DNM3: variants seen among roughly 807,000 people sequenced by gnomAD.
DNM3 encodes the protein dynamin-3.
In DNM3, 47 loss-of-function variants were observed where a neutral mutation model predicts 101.6. The ratio of observed to expected loss-of-function variants is 0.46; its 90% confidence interval spans 0.37 to 0.59. The LOEUF (loss-of-function observed/expected upper bound fraction) is 0.59, where lower values mean the gene tolerates loss of function less well. Ranked by LOEUF, DNM3 falls within the 20% of genes least tolerant of loss-of-function variation. The pLI is 0.00. For missense variants in DNM3, 849 were observed against 1,085.7 expected (o/e 0.78, Z 3.06); for synonymous variants, 385 against 387.9 (o/e 0.99, Z 0.09).
chr1:172,273,707 T>A (rs551372189), intron 15 of DNM3, among the ~76,000 whole-genome samples: 31 of 152,166 alleles, frequency 2.0e-4, no homozygotes, highest in African/African-American at 7.5e-4. Context: ...CATCATCACA[T>A]CATGTCCCTT....
At chr1:172,215,101 C>T (rs960837421) in intron 14 of DNM3, among the ~76,000 whole-genome samples, 2 of 152,068 alleles carry the variant, frequency 1.3e-5, no homozygotes, top group South Asian at 2.1e-4. Flanking sequence ...GACGAGTGTT[C>T]GGATATTTCA....
chr1:172,392,442 C>T (rs1360681668), intron 20 of DNM3, among the ~76,000 whole-genome samples: 1 of 152,076 alleles, frequency 6.6e-6, no homozygotes, highest in African/African-American at 2.4e-5. Flanking sequence ...ATTTACTTAA[C>T]AAGATGATCT....
intron 16 of DNM3, among the ~76,000 whole-genome samples, chr1:172,317,275 A>G (rs1557984972): frequency 6.6e-6 from 1 of 151,866 alleles, no homozygotes; most frequent in African/African-American, 2.4e-5. Context: ...AAATGCCCAT[A>G]AGAGAAAGCA....
At chr1:172,406,503 T>C (rs184431857) in intron 20 of DNM3, among the ~76,000 whole-genome samples, 1 of 152,154 alleles carries the variant, frequency 6.6e-6, no homozygotes, top group East Asian at 1.9e-4. Flanking sequence ...AAGATTTCCT[T>C]TGAAGCCTCT....
At position 172,392,802 on chromosome 1, in the gene DNM3, T is replaced by TAA. The variant is rs2069638284; in HGVS notation, c.2522+3993_2522+3994insAA. Among the ~76,000 whole-genome samples the TAA allele has an allele frequency of 2.6e-5, 4 of 152,192 alleles. 1 individual carries two copies. Among genetic ancestry groups the TAA allele is most frequent in the African/African-American group, 9.7e-5 (4 of 41,450 alleles). On this transcript the variant is annotated intron_variant, in intron 20 of 20. Transcript: ENST00000627582. ...CCTCATCACTCAATATTCAAGTACT[T>TAA]TTTTTGACCACCCTTGTTCACCAAG...
chr1:172,209,154 G>A (rs1291880840), intron 14 of DNM3, among the ~76,000 whole-genome samples: 1 of 151,924 alleles, frequency 6.6e-6, no homozygotes, highest in Non-Finnish European at 1.5e-5. Context: ...CAGTTTGACT[G>A]ATATCCTTAT....
intron 10 of DNM3, among the ~76,000 whole-genome samples, chr1:172,062,792 G>T (rs1471433569): frequency 3.3e-5 from 5 of 152,104 alleles, no homozygotes; most frequent in African/African-American, 1.2e-4. Context: ...CTTTATATTA[G>T]AATTGCTTCT....
chr1:172,171,455 C>T (rs1479813582), intron 14 of DNM3, among the ~76,000 whole-genome samples: 1 of 151,654 alleles, frequency 6.6e-6, no homozygotes, highest in East Asian at 1.9e-4. Context: ...AGAATGAGTT[C>T]CTCTGAGTAA....
At chr1:172,239,041 A>G (rs2061646219) in intron 14 of DNM3, among the ~76,000 whole-genome samples, 2 of 152,166 alleles carry the variant, frequency 1.3e-5, no homozygotes, top group African/African-American at 4.8e-5. Flanking sequence ...AAGGGGAAGA[A>G]ATAAGTACCC....
In DNM3 at chr1:171,878,960, G is replaced by A. The variant is rs574673417; in HGVS notation, c.161+37143G>A. ...AATTATTACATTATTCCAACCTGTA[G>A]AAATTTCCTAAAATCCCCACATGGA... is the stretch of plus-strand genomic sequence containing the variant. On this transcript the variant is annotated intron_variant, in intron 1 of 20. Coordinates refer to ENST00000627582, the MANE Select transcript of DNM3 (RefSeq NM_015569.5). Among the ~76,000 whole-genome samples the A allele has an allele frequency of 1.3e-4, 20 of 152,226 alleles. 1 individual carries two copies. The South Asian group carries it at 4.1e-3, about 32-fold the overall frequency.
chr1:172,341,446 G>A (rs1267315407), intron 17 of DNM3, among the ~76,000 whole-genome samples: 3 of 152,092 alleles, frequency 2.0e-5, no homozygotes, highest in Non-Finnish European at 4.4e-5. Context: ...TAAGCAAAAA[G>A]AATAAAGCTG....
chr1:172,304,219 A>AAAAAAAAAAAC (rs1292090131), intron 15 of DNM3, among the ~76,000 whole-genome samples: 1 of 139,776 alleles, frequency 7.2e-6, no homozygotes, highest in Non-Finnish European at 1.5e-5. Context: ...AAAAAAAAAA[A>AAAAAAAAAAAC]AAACAGGAGT....
chr1:172,161,109 A>G (rs995183436), intron 14 of DNM3, among the ~76,000 whole-genome samples: 6 of 151,726 alleles, frequency 4.0e-5, no homozygotes, highest in African/African-American at 1.5e-4. Flanking sequence ...AGTGATTTTC[A>G]TGACAGACTT....
At chr1:172,163,463 C>T (rs2058624414) in intron 14 of DNM3, among the ~76,000 whole-genome samples, 1 of 151,954 alleles carries the variant, frequency 6.6e-6, no homozygotes, top group South Asian at 2.1e-4. Context: ...TGGTCTCAAT[C>T]TCTTGACCTC....
intron 1 of DNM3, among the ~76,000 whole-genome samples, chr1:171,894,359 G>A (rs1004716225): frequency 6.6e-6 from 1 of 152,052 alleles, no homozygotes; most frequent in African/African-American, 2.4e-5. Context: ...GGAAAGCTCT[G>A]GTCTTTCCTC....
At chr1:171,918,804 C>T (rs920123910) in intron 1 of DNM3, among the ~76,000 whole-genome samples, 2 of 152,106 alleles carry the variant, frequency 1.3e-5, no homozygotes, top group African/African-American at 4.8e-5. Context: ...TATTTTTAGT[C>T]AACACATAAT....
intron 14 of DNM3, among the ~76,000 whole-genome samples, chr1:172,164,600 C>G (rs911181970): frequency 6.6e-6 from 1 of 151,912 alleles, no homozygotes; most frequent in South Asian, 2.1e-4. Flanking sequence ...AATGTTCATA[C>G]CCAAGTTTTT....
chr1:171,951,988 A>C (rs1175886600), intron 2 of DNM3, among the ~76,000 whole-genome samples: 2 of 152,228 alleles, frequency 1.3e-5, no homozygotes, highest in Non-Finnish European at 2.9e-5. Flanking sequence ...AGGTAGATTC[A>C]AAGATTTTGT....
At chr1:172,032,943 A>G (rs1345474818) in intron 5 of DNM3, among the ~76,000 whole-genome samples, 162 bp from the exon 6 acceptor site, 1 of 152,152 alleles carries the variant, frequency 6.6e-6, no homozygotes, top group African/African-American at 2.4e-5. Context: ...AGCAGCCTGT[A>G]TTCAATACTG....
Sources: allele counts gnomAD v4.1 joint callset (sites outside exome capture counted in the v4.1 genomes callset), GRCh38; gene constraint gnomAD v4.1.1; transcripts MANE v1.5; gene names NCBI Gene and HGNC (gene_info 2026-07-23, HGNC 2026-07-21).